Variants in GLIS1 observed in about 807,000 individuals in gnomAD.
The protein encoded by GLIS1 is zinc finger protein GLIS1.
Under a neutral mutation model 63.8 loss-of-function variants are expected in GLIS1, and 24 were observed. The ratio of observed to expected loss-of-function variants is 0.38; its 90% CI spans 0.27 to 0.53. GLIS1 has a LOEUF of 0.53. GLIS1 is among the 20% of genes least tolerant of loss of function. GLIS1 has a pLI of 0.85. For missense variants in GLIS1, 1,036 were observed against 1,074.1 expected (o/e 0.96, Z 0.50); for synonymous variants, 450 against 482.5 (o/e 0.93, Z 0.88).
At chr1:53,645,702 A>G (rs991231361) in intron 2 of GLIS1, among the ~76,000 whole-genome samples, 1 of 152,244 alleles carries the variant, frequency 6.6e-6, no homozygotes, top group Non-Finnish European at 1.5e-5. Context: ...CCTGGTAACC[A>G]CAAGTAATAA....
At chr1:53,713,744 T>C (rs556350938) in intron 2 of GLIS1, among the ~76,000 whole-genome samples, 26 of 152,280 alleles carry the variant, frequency 1.7e-4, no homozygotes, top group East Asian at 1.9e-4. Context: ...GCCTGGGTGA[T>C]AGAGCAAGAC....
At chr1:53,719,720 G>A (rs1431930865) in intron 2 of GLIS1, among the ~76,000 whole-genome samples, 1 of 152,146 alleles carries the variant, frequency 6.6e-6, no homozygotes, top group Non-Finnish European at 1.5e-5. Flanking sequence ...CAAATCCTCT[G>A]TGGAGAAAGG....
chr1:53,707,374 G>A (rs1182937329), intron 2 of GLIS1, among the ~76,000 whole-genome samples: 7 of 152,222 alleles, frequency 4.6e-5, no homozygotes, highest in Admixed American at 6.5e-5. Context: ...AAAACCGGCC[G>A]AGCACAGTGG....
intron 4 of GLIS1, among the ~76,000 whole-genome samples, chr1:53,579,044 T>C (rs1040425407): frequency 4.2e-5 from 6 of 143,554 alleles, no homozygotes; most frequent in African/African-American, 1.6e-4. Flanking sequence ...CTCATGAAAA[T>C]GTTTTAATTT....
At chr1:53,553,541 T>C (rs1644784424) in intron 4 of GLIS1, among the ~76,000 whole-genome samples, 1 of 152,114 alleles carries the variant, frequency 6.6e-6, no homozygotes, top group South Asian at 2.1e-4. Context: ...TGCCGGTGGG[T>C]TGACACAGAC....
intron 2 of GLIS1, among the ~76,000 whole-genome samples, chr1:53,607,118 G>C (rs1345418950): frequency 3.2e-5 from 3 of 92,698 alleles, no homozygotes; most frequent in East Asian, 5.0e-4. Flanking sequence ...AAAATCAGAA[G>C]GTGTACCTAG....
chr1:53,649,161 ATAC>A (rs1645879240), intron 2 of GLIS1, among the ~76,000 whole-genome samples: 1 of 152,266 alleles, frequency 6.6e-6, no homozygotes, highest in African/African-American at 2.4e-5. Context: ...ATGTATGTAG[ATAC>A]TAGTCTATTT....
At chr1:53,707,982 C>T (rs1168999689) in intron 2 of GLIS1, among the ~76,000 whole-genome samples, 2 of 151,594 alleles carry the variant, frequency 1.3e-5, no homozygotes, top group Non-Finnish European at 2.9e-5. Flanking sequence ...CTCCCCAGAG[C>T]TCTGAAAGGA....
chr1:53,681,836 C>T (rs1342974554), intron 2 of GLIS1, among the ~76,000 whole-genome samples: 1 of 130,814 alleles, frequency 7.6e-6, no homozygotes, highest in Non-Finnish European at 1.6e-5. Flanking sequence ...TGGGACTGAA[C>T]CCCCTCTCTC....
In GLIS1 at chr1:53,723,254, G is replaced by A. The variant is rs78647388; in HGVS notation, c.259+14552C>T. Among the ~76,000 whole-genome samples the A allele has an allele frequency of 3.1e-4, 30 of 97,044 alleles. 1 individual carries two copies. In the South Asian group the frequency reaches 8.2e-3, roughly 26 times the overall value. 63.7% of individuals were successfully genotyped at this position (97,044 alleles called of 152,430 possible). On this transcript the variant is annotated intron_variant, in intron 2 of 10. Coordinates refer to ENST00000628545, the MANE Select transcript of GLIS1 (RefSeq NM_001367484.1). Reference sequence around the variant, plus strand: ...TATTTATTTACTTTTTTTTTTTTTTGAGCTGGAGTCTCACTCTGTCACCCA... The same window carrying A: ...TATTTATTTACTTTTTTTTTTTTTTAAGCTGGAGTCTCACTCTGTCACCCA...
chr1:53,633,438 A>T (rs1360221929), intron 2 of GLIS1, among the ~76,000 whole-genome samples: 1 of 132,754 alleles, frequency 7.5e-6, no homozygotes, highest in East Asian at 2.3e-4. Flanking sequence ...GAGGGGTGTG[A>T]ATGAGTGTGA....
At chr1:53,585,156 A>C (rs1351085612) in intron 4 of GLIS1, among the ~76,000 whole-genome samples, 1 of 152,114 alleles carries the variant, frequency 6.6e-6, no homozygotes, top group Non-Finnish European at 1.5e-5. Context: ...CTGTTCCCTC[A>C]AATTTGGTGC....
chr1:53,722,203 G>A (rs977526740), intron 2 of GLIS1, among the ~76,000 whole-genome samples: 2 of 152,196 alleles, frequency 1.3e-5, no homozygotes, highest in African/African-American at 4.8e-5. Context: ...CCTTCCCAAA[G>A]AGCTATGTGG....
intron 4 of GLIS1, among the ~76,000 whole-genome samples, chr1:53,589,764 G>T (rs1261551081): frequency 6.6e-6 from 1 of 152,158 alleles, no homozygotes; most frequent in African/African-American, 2.4e-5. Flanking sequence ...GGGAGGACAC[G>T]CATGGGCCTC....
Position 53,595,075 on chromosome 1 carries a change from G to C in GLIS1, c.438-85C>G, listed in dbSNP as rs377107177. The C allele has an allele frequency of 6.6e-5, 82 of 1,239,658 alleles. 4 individuals carry two copies. Among genetic ancestry groups the C allele is most frequent in the East Asian group, 4.0e-4 (14 of 34,958 alleles). The allele number at this position is 1,239,658 out of a possible 1,614,324, so 76.8% of individuals were successfully genotyped here. ...AGGTGGGGGCAGACAGGGAAGCTGA[G>C]GATCAAGGGATGGACAAGCCCAGGG... On this transcript the variant is annotated intron_variant, in intron 3 of 10. Coordinates refer to ENST00000628545, the MANE Select transcript of GLIS1 (RefSeq NM_001367484.1).
At chr1:53,623,883 T>A (rs936353512) in intron 2 of GLIS1, among the ~76,000 whole-genome samples, 2 of 152,168 alleles carry the variant, frequency 1.3e-5, no homozygotes, top group African/African-American at 2.4e-5. Flanking sequence ...TCACTGCTAC[T>A]GAGAGAAAGC....
intron 2 of GLIS1, among the ~76,000 whole-genome samples, chr1:53,687,994 C>A (rs187417151): frequency 2.0e-5 from 3 of 152,336 alleles, no homozygotes; most frequent in Admixed American, 2.0e-4. Context: ...GAGGACCCAG[C>A]CTCTGGCCCT....
At position 53,646,571 on chromosome 1, in the gene GLIS1, A is replaced by G. The variant is rs1645846412; in HGVS notation, c.260-46293T>C. Among the ~76,000 whole-genome samples the G allele has an allele frequency of 6.6e-6, 1 of 152,164 alleles. No homozygotes were observed. The highest frequency in any genetic ancestry group is 2.4e-5 in the African/African-American group (1 of 41,434). On this transcript the variant is annotated intron_variant, in intron 2 of 10. Transcript: ENST00000628545. The surrounding 1 kb of genome is among the most constrained non-coding windows in gnomAD (Gnocchi z 4.2). ...ACACCTGTAATTCCAGCGCTTTGGG[A>G]GGCTAAGGTGGGTGGATCAGTTGAG...
chr1:53,589,863 G>C (rs1645171140), intron 4 of GLIS1, among the ~76,000 whole-genome samples: 1 of 152,208 alleles, frequency 6.6e-6, no homozygotes, highest in Non-Finnish European at 1.5e-5. Flanking sequence ...GCAAATGACT[G>C]TCAATGAACA....
Sources: allele counts gnomAD v4.1 joint callset (sites outside exome capture counted in the v4.1 genomes callset), GRCh38; gene constraint gnomAD v4.1.1; non-coding constraint Gnocchi (gnomAD v3.1); transcripts MANE v1.5; gene names NCBI Gene and HGNC (gene_info 2026-07-23, HGNC 2026-07-21).